The following PALM variants were observed in gnomAD, a reference collection of about 807,000 sequenced individuals.
PALM encodes paralemmin, also known as paralemmin-1.
In PALM, 18 loss-of-function variants were observed where a neutral mutation model predicts 30.7. The ratio of observed to expected loss-of-function variants is 0.59; its 90% CI spans 0.41 to 0.87. PALM has a LOEUF of 0.87. Ranked by LOEUF, PALM falls within the 40% of genes least tolerant of loss-of-function variation. The probability of loss-of-function intolerance (pLI) is 0.00; values close to 1 mark genes in which losing one functional copy is unlikely to be tolerated. For missense variants in PALM, 529 were observed against 555.4 expected (o/e 0.95, Z 0.48); for synonymous variants, 286 against 242.8 (o/e 1.18, Z -1.66).
At chr19:736,151 G>T in intron 7 of PALM, 73 bp downstream of exon 7, 1 of 1,098,720 alleles carries the variant, frequency 9.1e-7, no homozygotes, top group South Asian at 1.3e-5. Context: ...CGGGGGGCCG[G>T]GTGGGGCGGG....
chr19:717,185 C>T (rs191678999), intron 1 of PALM, among the ~76,000 whole-genome samples: 71 of 152,312 alleles, frequency 4.7e-4, no homozygotes, highest in Admixed American at 9.2e-4. Context: ...GCCTTGGCCT[C>T]CCAAAGTGCT....
chr19:732,075 C>G (rs2032895276), intron 5 of PALM, among the ~76,000 whole-genome samples: 1 of 152,114 alleles, frequency 6.6e-6, no homozygotes, highest in African/African-American at 2.4e-5. Flanking sequence ...TTCCCCAGCT[C>G]CAGCGATCCT....
At chr19:726,040 G>C (rs1462050898) in intron 1 of PALM, 98 bp from the exon 2 acceptor site, 36 of 922,584 alleles carry the variant, frequency 3.9e-5, no homozygotes, top group Non-Finnish European at 6.0e-5. Context: ...CCTTGCCCTG[G>C]TTACCCCTAG....
At chr19:734,435 C>G (rs1244101077) in intron 6 of PALM, 1 of 542,554 alleles carries the variant, frequency 1.8e-6, no homozygotes, top group Non-Finnish European at 3.3e-6. Flanking sequence ...TGTGGTGGCT[C>G]ATGCCTGTAA....
chr19:711,722 C>T (rs943944954), intron 1 of PALM, among the ~76,000 whole-genome samples: 3 of 152,194 alleles, frequency 2.0e-5, no homozygotes, highest in East Asian at 1.9e-4. Flanking sequence ...TAAAACAAGG[C>T]GATTTGATTT....
chr19:725,369 G>A (rs540165439), intron 1 of PALM, among the ~76,000 whole-genome samples: 1 of 149,932 alleles, frequency 6.7e-6, no homozygotes, highest in East Asian at 2.1e-4. Context: ...GACCAGCCTG[G>A]CCAACATGGT....
intron 5 of PALM, 136 bp from the exon 6 acceptor site, chr19:734,037 A>G: frequency 1.4e-6 from 1 of 725,450 alleles, no homozygotes; most frequent in Non-Finnish European, 2.4e-6. Context: ...CAGAGTCCCA[A>G]GAGGATAGGA....
At chr19:745,011 CT>C (rs1231123919) in intron 8 of PALM, among the ~76,000 whole-genome samples, 1 of 151,892 alleles carries the variant, frequency 6.6e-6, no homozygotes, top group Non-Finnish European at 1.5e-5. Flanking sequence ...GAAACCCCAT[CT>C]CTACTAAACG....
intron 5 of PALM, among the ~76,000 whole-genome samples, chr19:731,805 G>A (rs1444335233): frequency 1.3e-5 from 2 of 148,658 alleles, no homozygotes; most frequent in Non-Finnish European, 3.0e-5. Context: ...GACTACAGGC[G>A]CCTGCCACCA....
Position 726,183 on chromosome 19 carries a change from C to T in PALM, c.51C>T (p.Ala17=). 6.2e-7 allele frequency: 1 copy of T among 1,613,056 alleles called. No individual in the cohort carries two copies. The highest frequency in any genetic ancestry group is 1.7e-4 in the Middle Eastern group (1 of 6,042). The change falls in exon 2 of 9, where the codon GCC becomes GCT. Residue 17 remains alanine, a synonymous_variant. Transcript: ENST00000338448. ...CGTCCCAGCAGGAGCGGCTGCAGGC[C>T]ATCGCAGTGAGTTTCCGCCGCCCCG... ...ETTSQQERLQ[A]IAEKRKRQAE...
chr19:720,781 C>T (rs547205157), intron 1 of PALM, among the ~76,000 whole-genome samples: 1 of 152,282 alleles, frequency 6.6e-6, no homozygotes, highest in South Asian at 2.1e-4. Context: ...GCCTTGTCTC[C>T]AGCCTGGGAG....
At position 746,793 on chromosome 19, in the gene PALM, TA is replaced by T; in HGVS notation, c.1146del (p.Lys382AsnfsTer183). On this transcript the variant is annotated frameshift_variant, in exon 9 of 9. Coordinates refer to ENST00000338448, the MANE Select transcript of PALM (RefSeq NM_002579.3). LOFTEE classifies it high-confidence loss of function. The surrounding 1 kb of genome is among the most constrained non-coding windows in gnomAD (Gnocchi z 7.1). ...QDLDMKKHRC[K>X]CCSIM is the part of the protein sequence containing the mutation. ...ACCTCGACATGAAGAAGCACCGTTG[TA>T]AATGCTGCTCCATCATGTGAGCCGG... The T allele has an allele frequency of 6.4e-7, 1 of 1,563,262 alleles. No homozygotes were observed. Among genetic ancestry groups the T allele is most frequent in the Non-Finnish European group, 8.6e-7 (1 of 1,160,864 alleles).
At chr19:732,094 C>T (rs932604020) in intron 5 of PALM, among the ~76,000 whole-genome samples, 1 of 151,258 alleles carries the variant, frequency 6.6e-6, no homozygotes, top group Non-Finnish European at 1.5e-5. Flanking sequence ...CTCCTGCCTC[C>T]GCCTCCCGAG....
At chr19:733,194 G>A (rs2032924300) in intron 5 of PALM, among the ~76,000 whole-genome samples, 1 of 152,202 alleles carries the variant, frequency 6.6e-6, no homozygotes, top group Non-Finnish European at 1.5e-5. Flanking sequence ...CCAAAGTGCT[G>A]GGATTAGAGG....
Sources: allele counts gnomAD v4.1 joint callset (sites outside exome capture counted in the v4.1 genomes callset), GRCh38; gene constraint gnomAD v4.1.1; non-coding constraint Gnocchi (gnomAD v3.1); transcripts MANE v1.5; gene names NCBI Gene and HGNC (gene_info 2026-07-23, HGNC 2026-07-21).